Variants in RIMBP2 observed in about 807,000 individuals in gnomAD.
RIMBP2 encodes the protein RIMS-binding protein 2.
A neutral mutation model predicts 118.6 loss-of-function variants in RIMBP2; 48 were observed. The observed-to-expected ratio is 0.40, with a 90% CI of 0.32 to 0.51. RIMBP2 has a LOEUF of 0.51. Ranked by LOEUF, RIMBP2 falls within the 20% of genes least tolerant of loss-of-function variation. The pLI, the probability that RIMBP2 is intolerant of heterozygous loss-of-function variation, is 0.41. For missense variants in RIMBP2, 1,551 were observed against 1,768.3 expected (o/e 0.88, Z 2.20); for synonymous variants, 762 against 742.9 (o/e 1.03, Z -0.42).
intron 1 of RIMBP2, among the ~76,000 whole-genome samples, chr12:130,699,561 C>T (rs2065742618): frequency 2.4e-5 from 3 of 124,184 alleles, no homozygotes; most frequent in Admixed American, 2.1e-4. Context: ...GGGAACATCA[C>T]ACACCGGGGA....
At chr12:130,515,323 T>C (rs1328414017) in intron 3 of RIMBP2, among the ~76,000 whole-genome samples, 2 of 152,192 alleles carry the variant, frequency 1.3e-5, no homozygotes, top group African/African-American at 4.8e-5. Flanking sequence ...TCTAGAACTC[T>C]CTTCCTCTTC....
At chr12:130,690,620 A>G (rs1218903131) in intron 1 of RIMBP2, among the ~76,000 whole-genome samples, 1 of 152,164 alleles carries the variant, frequency 6.6e-6, no homozygotes, top group Non-Finnish European at 1.5e-5. Context: ...CTTGCAACCA[A>G]TGGTCCTGAT....
rs1009012908 is a variant in RIMBP2, at chr12:130,621,233, T to C, written c.-217+7089A>G. 6.6e-6 allele frequency among the ~76,000 whole-genome samples: 1 copy of C among 152,100 alleles called. No homozygotes were observed. The highest frequency in any genetic ancestry group is 1.9e-4 in the East Asian group (1 of 5,180). The stretch of plus-strand genomic sequence containing the variant: ...GAGGGTTAGGGTGATGGACTCCAGG[T>C]GGATCCTCCCCATGAGAGAAAAGCA... On this transcript the variant is annotated intron_variant, in intron 2 of 22. Transcript: ENST00000690449. This position sits in a 1 kb window ranked among gnomAD's most constrained non-coding sequence, Gnocchi z 6.6.
intron 2 of RIMBP2, among the ~76,000 whole-genome samples, chr12:130,602,035 G>C (rs1052323426): frequency 6.6e-6 from 1 of 152,106 alleles, no homozygotes; most frequent in Non-Finnish European, 1.5e-5. Flanking sequence ...ACGGTGGCTC[G>C]TGCCTGTAAT....
intron 6 of RIMBP2, among the ~76,000 whole-genome samples, chr12:130,463,966 T>TA (rs2137697971): frequency 6.6e-6 from 1 of 151,938 alleles, no homozygotes; most frequent in South Asian, 2.1e-4. Context: ...CATTGGCTGC[T>TA]AAAAGACACT....
In RIMBP2 at chr12:130,469,591, T is replaced by C. The variant is rs1477377722; in HGVS notation, c.153+1102A>G. 1.3e-5 allele frequency among the ~76,000 whole-genome samples: 2 copies of C among 152,210 alleles called. No homozygotes were observed. Among genetic ancestry groups the C allele is most frequent in the South Asian group, 2.1e-4 (1 of 4,830 alleles). ...TATTCATCACACTCCTCCCTCCAGATAGTCATTAACTAATGGAGGCTTTCA... is the reference window on the plus strand; with the variant it reads ...TATTCATCACACTCCTCCCTCCAGACAGTCATTAACTAATGGAGGCTTTCA... On this transcript the variant is annotated intron_variant, in intron 6 of 22. Coordinates refer to ENST00000690449, the MANE Select transcript of RIMBP2 (RefSeq NM_001393629.1). This position sits in a 1 kb window ranked among gnomAD's most constrained non-coding sequence, Gnocchi z 4.8.
chr12:130,612,539 A>G (rs908367101), intron 2 of RIMBP2, among the ~76,000 whole-genome samples: 12 of 152,222 alleles, frequency 7.9e-5, no homozygotes, highest in African/African-American at 2.7e-4. Flanking sequence ...TATTCTGTAC[A>G]GCAACCCAAG....
At chr12:130,598,336 C>T (rs913060451) in intron 2 of RIMBP2, among the ~76,000 whole-genome samples, 1 of 151,776 alleles carries the variant, frequency 6.6e-6, no homozygotes, top group Non-Finnish European at 1.5e-5. Flanking sequence ...TCAACATGAC[C>T]CTGTCAAAAT....
intron 2 of RIMBP2, among the ~76,000 whole-genome samples, chr12:130,537,202 C>T (rs556971669): frequency 6.6e-6 from 1 of 152,302 alleles, no homozygotes; most frequent in Admixed American, 6.5e-5. Context: ...TCGACTGCAG[C>T]TGTGCACCTG....
At chr12:130,522,772 C>A (rs111272859) in intron 2 of RIMBP2, among the ~76,000 whole-genome samples, 7,512 of 152,052 alleles carry the variant, frequency 0.049, 249 homozygotes, top group African/African-American at 0.09. Context: ...TGTCTCCCTG[C>A]CTGCTGTGGA....
At chr12:130,405,103 C>T (rs1206099900) in intron 21 of RIMBP2, among the ~76,000 whole-genome samples, 3 of 152,196 alleles carry the variant, frequency 2.0e-5, no homozygotes, top group South Asian at 4.2e-4. Flanking sequence ...TTTCTATCAC[C>T]TTGAAGGACC....
At chr12:130,611,487 G>A (rs890949199) in intron 2 of RIMBP2, among the ~76,000 whole-genome samples, 7 of 152,216 alleles carry the variant, frequency 4.6e-5, no homozygotes, top group Admixed American at 4.6e-4. Flanking sequence ...ATCCTCCGCT[G>A]GAAGACACCG....
chr12:130,660,911 C>G (rs2063632232), intron 1 of RIMBP2, among the ~76,000 whole-genome samples: 1 of 152,136 alleles, frequency 6.6e-6, no homozygotes, highest in Non-Finnish European at 1.5e-5. Flanking sequence ...CTCTACAAGC[C>G]CCATGATGTT....
chr12:130,435,435 ATC>A (rs2077445006), intron 13 of RIMBP2, among the ~76,000 whole-genome samples: 1 of 152,122 alleles, frequency 6.6e-6, no homozygotes, highest in Non-Finnish European at 1.5e-5. Context: ...TAATAATTTG[ATC>A]AATTCACATT....
At chr12:130,690,178 G>A (rs914160325) in intron 1 of RIMBP2, among the ~76,000 whole-genome samples, 8 of 152,266 alleles carry the variant, frequency 5.3e-5, no homozygotes, top group East Asian at 3.9e-4. Context: ...GAAAGCTCTC[G>A]GCTTGTGCAG....
At chr12:130,461,024 C>T (rs1419353194) in intron 6 of RIMBP2, among the ~76,000 whole-genome samples, 1 of 152,192 alleles carries the variant, frequency 6.6e-6, no homozygotes, top group East Asian at 1.9e-4. Context: ...CAAGGGGCCA[C>T]CAGATAGGGC....
chr12:130,575,327 G>A (rs936701439), intron 2 of RIMBP2, among the ~76,000 whole-genome samples: 1 of 150,152 alleles, frequency 6.7e-6, no homozygotes, highest in Non-Finnish European at 1.5e-5. Flanking sequence ...TGGACATGCC[G>A]CAGAGGCAAG....
chr12:130,709,966 C>G (rs1354422062), intron 1 of RIMBP2, among the ~76,000 whole-genome samples: 1 of 152,122 alleles, frequency 6.6e-6, no homozygotes, highest in East Asian at 1.9e-4. Context: ...GGACCTTCCA[C>G]CCAAAGGGAC....
chr12:130,619,671 A>G (rs2061177496), intron 2 of RIMBP2, among the ~76,000 whole-genome samples: 1 of 152,128 alleles, frequency 6.6e-6, no homozygotes. Flanking sequence ...CGTCAAGGGG[A>G]CCGCACAGAC....
Sources: allele counts gnomAD v4.1 joint callset (sites outside exome capture counted in the v4.1 genomes callset), GRCh38; gene constraint gnomAD v4.1.1; non-coding constraint Gnocchi (gnomAD v3.1); transcripts MANE v1.5; gene names NCBI Gene and HGNC (gene_info 2026-07-23, HGNC 2026-07-21).